Variants in NRG3 observed in about 807,000 individuals in gnomAD.
The protein encoded by NRG3 is pro-neuregulin-3, membrane-bound isoform.
Under a neutral mutation model 66.9 loss-of-function variants are expected in NRG3, and 31 were observed. The ratio of observed to expected loss-of-function variants is 0.46; its 90% CI spans 0.35 to 0.63. The LOEUF (loss-of-function observed/expected upper bound fraction) is 0.63. Ranked by LOEUF, NRG3 falls within the 20% of genes least tolerant of loss-of-function variation. The pLI, the probability that NRG3 is intolerant of heterozygous loss-of-function variation, is 0.00. For synonymous variants in NRG3, 393 were observed against 359.4 expected, an observed-to-expected ratio of 1.09 and a Z score of -1.06; for missense variants, 910 against 878.9, an observed-to-expected ratio of 1.04 and a Z score of -0.45.
At chr10:82,724,659 T>A (rs768033788) in intron 2 of NRG3, among the ~76,000 whole-genome samples, 1 of 152,208 alleles carries the variant, frequency 6.6e-6, no homozygotes, top group Non-Finnish European at 1.5e-5. Flanking sequence ...GCTGTGGGAC[T>A]TTTTTCAGCT....
At chr10:82,461,959 C>T (rs555652281) in intron 2 of NRG3, among the ~76,000 whole-genome samples, 6 of 152,084 alleles carry the variant, frequency 3.9e-5, no homozygotes, top group African/African-American at 1.4e-4. Context: ...GGAGAAACCC[C>T]GTCTCTACTA....
chr10:82,337,614 TTC>T (rs1180903975), intron 1 of NRG3, among the ~76,000 whole-genome samples: 2 of 152,274 alleles, frequency 1.3e-5, no homozygotes, highest in Non-Finnish European at 2.9e-5. Context: ...TGTATGACTA[TTC>T]CTATTTCTCC....
chr10:82,407,500 T>G (rs1017094349), intron 2 of NRG3, among the ~76,000 whole-genome samples: 2 of 152,010 alleles, frequency 1.3e-5, no homozygotes, highest in Non-Finnish European at 2.9e-5. Context: ...GGTAGTTAAC[T>G]CTTCTGTCAA....
intron 1 of NRG3, among the ~76,000 whole-genome samples, chr10:81,879,793 A>G (rs1589327753): frequency 1.3e-5 from 2 of 152,318 alleles, no homozygotes; most frequent in South Asian, 4.1e-4. Context: ...TTTCTTATTT[A>G]TTCTTTTCAA....
At chr10:82,476,025 G>T (rs752005538) in intron 2 of NRG3, among the ~76,000 whole-genome samples, 1 of 152,046 alleles carries the variant, frequency 6.6e-6, no homozygotes, top group Admixed American at 6.5e-5. Flanking sequence ...AAGAGCAAAT[G>T]ACTTGAATAG....
chr10:82,556,139 AC>A (rs145757898), intron 2 of NRG3, among the ~76,000 whole-genome samples: 1 of 152,274 alleles, frequency 6.6e-6, no homozygotes, highest in Non-Finnish European at 1.5e-5. Flanking sequence ...GTTACATCTC[AC>A]TTTTCAGGAT....
chr10:82,747,097 A>G (rs2058677764), intron 3 of NRG3, among the ~76,000 whole-genome samples: 1 of 152,082 alleles, frequency 6.6e-6, no homozygotes, highest in Non-Finnish European at 1.5e-5. Context: ...AATAACAACA[A>G]CAAAAAAAGG....
chr10:82,395,697 T>C (rs1258090686), intron 2 of NRG3, among the ~76,000 whole-genome samples: 1 of 152,056 alleles, frequency 6.6e-6, no homozygotes, highest in African/African-American at 2.4e-5. Flanking sequence ...CATCCACTCA[T>C]CCACCCATCC....
intron 1 of NRG3, among the ~76,000 whole-genome samples, chr10:82,022,840 A>C (rs1156508623): frequency 6.6e-6 from 1 of 151,774 alleles, no homozygotes; most frequent in Admixed American, 6.6e-5. Flanking sequence ...TTTATAGTGA[A>C]TACAGGTTGA....
In NRG3 at chr10:82,249,492, C is replaced by G. The variant is rs150733473; in HGVS notation, c.824-109247C>G. ...ATACACTGAAAAGTTCAGCTTTTGGCTCATAGTAGCAGATACTGTTGGATA... is the reference window on the plus strand; with the variant it reads ...ATACACTGAAAAGTTCAGCTTTTGGGTCATAGTAGCAGATACTGTTGGATA... On this transcript the variant is annotated intron_variant, in intron 1 of 8. Coordinates refer to ENST00000372141, the MANE Select transcript of NRG3 (RefSeq NM_001010848.4). 1.4e-3 allele frequency among the ~76,000 whole-genome samples: 209 copies of G among 152,106 alleles called. 2 individuals carry two copies. Among genetic ancestry groups the G allele is most frequent in the African/African-American group, 4.8e-3 (197 of 41,468 alleles).
At chr10:82,066,377 A>T (rs912860068) in intron 1 of NRG3, among the ~76,000 whole-genome samples, 5 of 151,758 alleles carry the variant, frequency 3.3e-5, no homozygotes, top group Admixed American at 6.5e-5. Context: ...GTGTAAATGT[A>T]CACTCTGTCT....
At chr10:82,954,635 A>G (rs1244439794) in intron 5 of NRG3, among the ~76,000 whole-genome samples, 3 of 151,870 alleles carry the variant, frequency 2.0e-5, no homozygotes, top group East Asian at 1.9e-4. Context: ...TGGATTAGCT[A>G]TATGTTCCTC....
intron 2 of NRG3, among the ~76,000 whole-genome samples, chr10:82,565,667 C>A (rs756318414): frequency 6.8e-4 from 104 of 152,196 alleles, no homozygotes; most frequent in Admixed American, 2.8e-3. Flanking sequence ...TTGTGATGCA[C>A]ACCTGTCCTC....
At chr10:82,559,982 T>A (rs538853289) in intron 2 of NRG3, among the ~76,000 whole-genome samples, 32 of 152,082 alleles carry the variant, frequency 2.1e-4, no homozygotes, top group Middle Eastern at 3.4e-3. Flanking sequence ...ATATAGTAAG[T>A]CAGTTGTAAC....
intron 2 of NRG3, among the ~76,000 whole-genome samples, chr10:82,715,696 G>A (rs928135196): frequency 6.6e-6 from 1 of 152,136 alleles, no homozygotes; most frequent in Non-Finnish European, 1.5e-5. Context: ...TCAAATCTTT[G>A]CCTTGAAGTG....
chr10:81,978,207 C>T (rs2060197864), intron 1 of NRG3, among the ~76,000 whole-genome samples: 1 of 152,114 alleles, frequency 6.6e-6, no homozygotes, highest in Admixed American at 6.5e-5. Context: ...CCTCTAGTAT[C>T]ATCTGTATTA....
rs1228743928 is a variant in NRG3 at position 82,494,337 on chromosome 10, A to AAC, written c.953+135477_953+135478dup. On this transcript the variant is annotated intron_variant, in intron 2 of 8. Coordinates refer to ENST00000372141, the MANE Select transcript of NRG3 (RefSeq NM_001010848.4). ...ATTTCAATTAGTAAAAATAAAAGCT[A>AAC]ACACACACATAGGTAAGAAAACTCA... is the stretch of plus-strand genomic sequence containing the variant. 2.0e-5 allele frequency among the ~76,000 whole-genome samples: 3 copies of AAC among 152,296 alleles called. No homozygotes were observed. In the East Asian group the frequency reaches 5.8e-4, roughly 29 times the overall value.
At chr10:82,433,255 G>C (rs760584748) in intron 2 of NRG3, among the ~76,000 whole-genome samples, 1 of 152,046 alleles carries the variant, frequency 6.6e-6, no homozygotes, top group African/African-American at 2.4e-5. Flanking sequence ...TGGCCACGTA[G>C]ATGTCTTCTT....
intron 2 of NRG3, among the ~76,000 whole-genome samples, chr10:82,726,086 C>A (rs1030808371): frequency 6.6e-6 from 1 of 152,114 alleles, no homozygotes; most frequent in Non-Finnish European, 1.5e-5. Flanking sequence ...GGTCTGCAAC[C>A]CAAGGAGAGA....
Sources: gnomAD v4.1 joint callset for allele counts (sites outside exome capture counted in the v4.1 genomes callset) on GRCh38, gnomAD v4.1.1 for gene constraint, MANE v1.5 for transcripts, NCBI Gene and HGNC (gene_info 2026-07-23, HGNC 2026-07-21) for gene names.